TSPAN19: variants seen among roughly 807,000 people sequenced by gnomAD.
TSPAN19 encodes tetraspanin 19, also known as tetraspanin-19.
TSPAN19 carries 44 observed loss-of-function variants against 35.1 expected under a neutral mutation model. The ratio of observed to expected loss-of-function variants is 1.25; its 90% CI spans 0.98 to 1.61. The LOEUF is 1.61. Ranked by LOEUF, TSPAN19 falls within the 40% of genes most tolerant of loss-of-function variation. TSPAN19 has a pLI of 0.00. For synonymous variants in TSPAN19, 79 were observed against 92.0 expected, an observed-to-expected ratio of 0.86 and a Z score of 0.81; for missense variants, 290 against 280.0, an observed-to-expected ratio of 1.04 and a Z score of -0.26.
intron 4 of TSPAN19, among the ~76,000 whole-genome samples, chr12:85,024,987 T>C (rs1182266423): frequency 6.6e-6 from 1 of 151,392 alleles, no homozygotes; most frequent in Non-Finnish European, 1.5e-5. Context: ...AGATAAGTTA[T>C]GTTTCCTAGT....
intron 5 of TSPAN19, among the ~76,000 whole-genome samples, chr12:85,022,403 T>G (rs1380715537): frequency 6.6e-6 from 1 of 152,048 alleles, no homozygotes; most frequent in Non-Finnish European, 1.5e-5. Flanking sequence ...AGAGTATAGA[T>G]AGATATAAAG....
Position 85,014,424 on chromosome 12 carries a change from AATAAT to A in TSPAN19, c.*58_*62del. The A allele has an allele frequency of 1.6e-6, 2 of 1,223,370 alleles. No homozygotes were observed. The highest frequency in any genetic ancestry group is 2.8e-5 in the South Asian group (2 of 70,540). 75.8% of individuals were successfully genotyped at this position (1,223,370 alleles called of 1,614,324 possible). On this transcript the variant is annotated 3_prime_UTR_variant, in exon 9 of 9. Transcript: ENST00000532498. ...ACAATTCAAAACGTTTTTGGAATAA[AATAAT>A]ATAATGTGATTTTTTAAGAATTAAC...
At chr12:85,031,780 G>A (rs1438747118) in intron 1 of TSPAN19, among the ~76,000 whole-genome samples, 1 of 152,024 alleles carries the variant, frequency 6.6e-6, no homozygotes, top group East Asian at 1.9e-4. Flanking sequence ...AAGCAAGTGA[G>A]GTTGAAGTTG....
chr12:85,030,611 AG>A (rs1220535834), intron 1 of TSPAN19, among the ~76,000 whole-genome samples: 1 of 152,126 alleles, frequency 6.6e-6, no homozygotes, highest in Admixed American at 6.6e-5. Context: ...AGCACACAGC[AG>A]GTACTTGATA....
rs368223404 is a variant in TSPAN19 at position 85,023,364 on chromosome 12, C to A, written c.301G>T (p.Val101Phe). ...GTGATGATGAATGCTGAAAGTACAA[C>A]CTGAACAGCAAAGGTCCATGTTATC... ...VLITWTFAVQ[V>F]VLSAFIITKK... The change falls in exon 5 of 9, where the codon GTT becomes TTT. Residue 101 changes from valine to phenylalanine, a missense_variant. Physicochemically the swap from Val to Phe is conservative, Grantham distance 50 (BLOSUM62 -1). Transcript: ENST00000532498. 2 of 1,589,102 alleles carry A rather than the reference C, an allele frequency of 1.3e-6. No individual in the cohort carries two copies. The highest frequency in any genetic ancestry group is 2.7e-5 in the African/African-American group (2 of 74,546).
At chr12:85,026,239 AC>A (rs1877404391) in intron 4 of TSPAN19, among the ~76,000 whole-genome samples, 1 of 152,118 alleles carries the variant, frequency 6.6e-6, no homozygotes, top group Non-Finnish European at 1.5e-5. Context: ...GAAATTTGTG[AC>A]AAGAAGAAAA....
At chr12:85,035,176 T>C (rs1051554842) in intron 1 of TSPAN19, 1 of 152,080 alleles carries the variant, frequency 6.6e-6, no homozygotes, top group African/African-American at 2.4e-5. Context: ...GAGGATTACT[T>C]GAGTACAAGA....
At chr12:85,028,146 C>A in intron 3 of TSPAN19, 123 bp from the exon 4 acceptor site, 2 of 712,980 alleles carry the variant, frequency 2.8e-6, no homozygotes, top group Middle Eastern at 4.2e-4. Flanking sequence ...GTTGCCAAAC[C>A]ACTAGGATTC....
intron 7 of TSPAN19, 64 bp from the exon 8 acceptor site, chr12:85,016,035 C>CA (rs935514860): frequency 2.9e-6 from 3 of 1,050,158 alleles, no homozygotes; most frequent in Admixed American, 3.2e-5. Flanking sequence ...TAAATCTTTA[C>CA]AAAAAATAAA....
At chr12:85,030,110 G>C in intron 1 of TSPAN19, 137 bp from the exon 2 acceptor site, 2 of 688,098 alleles carry the variant, frequency 2.9e-6, no homozygotes, top group Non-Finnish European at 4.1e-6. Flanking sequence ...TAAATGAAAG[G>C]ATTTATTGAA....
chr12:85,032,309 T>C (rs1877723907), intron 1 of TSPAN19, among the ~76,000 whole-genome samples: 1 of 151,562 alleles, frequency 6.6e-6, no homozygotes, highest in Non-Finnish European at 1.5e-5. Context: ...TGGGCAGAGG[T>C]TTGATGGTAG....
chr12:85,019,687 C>A lies in TSPAN19; in HGVS notation c.389G>T (p.Gly130Val), dbSNP rs1360738160. Reference protein sequence around the residue: ...DKIDFVISEYGSKDKPEDITK... With the variant: ...DKIDFVISEYVSKDKPEDITK... The stretch of plus-strand genomic sequence containing the variant: ...TATATCTTCAGGCTTATCTTTAGAT[C>A]CATACTCAGAAATGACAAAATCAAT... The change falls in exon 6 of 9, where the codon GGA becomes GTA. Residue 130 changes from glycine to valine, a missense_variant. Physicochemically the swap from Gly to Val is moderately radical, Grantham distance 109. Transcript: ENST00000532498. 6.2e-7 allele frequency: 1 copy of A among 1,609,604 alleles called. No homozygotes were observed. The highest frequency in any genetic ancestry group is 1.7e-5 in the Admixed American group (1 of 59,206).
intron 5 of TSPAN19, among the ~76,000 whole-genome samples, chr12:85,020,677 T>C (rs1877072518): frequency 1.3e-5 from 2 of 151,882 alleles, no homozygotes; most frequent in South Asian, 4.1e-4. Context: ...TCCAGAGGGG[T>C]CCTGTCCTAT....
chr12:85,033,149 C>T lies in TSPAN19; in HGVS notation c.-28+3055G>A, dbSNP rs528040612. Among the ~76,000 whole-genome samples the T allele has an allele frequency of 3.3e-5, 5 of 152,094 alleles. No individual in the cohort carries two copies. In the East Asian group the frequency reaches 5.8e-4, roughly 18 times the overall value. ...CATAGAGAAGATGATTTTGAGATGA[C>T]TCTTGAAGGAAGATTAAGAAGGTCC... On this transcript the variant is annotated intron_variant, in intron 1 of 8. Transcript: ENST00000532498.
intron 7 of TSPAN19, chr12:85,016,774 G>T (rs1288060262): frequency 1.3e-5 from 2 of 151,426 alleles, no homozygotes; most frequent in Non-Finnish European, 2.9e-5. Flanking sequence ...CTGCAGATAG[G>T]GGCAACTACT....
chr12:85,034,266 T>C (rs1161515229), intron 1 of TSPAN19, among the ~76,000 whole-genome samples: 1 of 152,154 alleles, frequency 6.6e-6, no homozygotes, highest in Non-Finnish European at 1.5e-5. Context: ...ACAACAATGA[T>C]ATTATGGGAT....
At chr12:85,020,376 A>C (rs1877057618) in intron 5 of TSPAN19, among the ~76,000 whole-genome samples, 1 of 151,926 alleles carries the variant, frequency 6.6e-6, no homozygotes, top group African/African-American at 2.4e-5. Flanking sequence ...TCCCTCATTA[A>C]TTAAGATGTT....
Position 85,016,668 on chromosome 12 carries a change from C to T in TSPAN19, c.595-697G>A, listed in dbSNP as rs556828642. The T allele has an allele frequency of 2.6e-5, 4 of 151,958 alleles. No homozygotes were observed. In the South Asian group the frequency reaches 8.3e-4, roughly 32 times the overall value. The allele number at this position is 151,958 out of a possible 1,614,324, so 9.4% of individuals were successfully genotyped here. A position where few individuals can be genotyped will look rare whatever the true frequency, so the allele number is the denominator to read the frequency against. ...CAGGAAGACACAAGATTTCATCATA[C>T]TACCCAGAACAGTGTGCAATTGAAA... On this transcript the variant is annotated intron_variant, in intron 7 of 8. Coordinates refer to ENST00000532498, the MANE Select transcript of TSPAN19 (RefSeq NM_001100917.2).
Position 85,014,493 on chromosome 12 carries a change from T to A in TSPAN19, c.741A>T (p.Glu247Asp). ...FKNIKNIIHA[E>D]M ...ACAAATTGAAATCCAAAGGTCACAT[T>A]TCTGCATGGATTATATTCTTGATGT... The change falls in exon 9 of 9, where the codon GAA (glutamate) becomes GAT (aspartate). Residue 247 changes from glutamate (E) to aspartate (D), a missense_variant. Glu to Asp is a conservative substitution (Grantham distance 45). Coordinates refer to ENST00000532498, the MANE Select transcript of TSPAN19 (RefSeq NM_001100917.2). 6.3e-7 allele frequency: 1 copy of A among 1,599,714 alleles called. No individual in the cohort carries two copies.
Sources: gnomAD v4.1 joint callset for allele counts (sites outside exome capture counted in the v4.1 genomes callset) on GRCh38, gnomAD v4.1.1 for gene constraint, MANE v1.5 for transcripts, NCBI Gene and HGNC (gene_info 2026-07-23, HGNC 2026-07-21) for gene names.